Variants in TESK2 observed in about 807,000 individuals in gnomAD.
The protein encoded by TESK2 is dual specificity testis-specific protein kinase 2.
A neutral mutation model predicts 57.1 loss-of-function variants in TESK2; 39 were observed. That is an observed-to-expected ratio of 0.68 (90% confidence interval 0.53 to 0.89). The LOEUF is 0.89. Ranked by LOEUF, TESK2 falls within the 40% of genes least tolerant of loss-of-function variation. The probability of loss-of-function intolerance (pLI) is 0.00; values close to 1 mark genes in which losing one functional copy is unlikely to be tolerated. For missense variants in TESK2, 646 were observed against 732.1 expected (o/e 0.88, Z 1.36); for synonymous variants, 249 against 267.9 (o/e 0.93, Z 0.69).
chr1:45,490,479 C>G (rs1653673053), intron 1 of TESK2, among the ~76,000 whole-genome samples: 1 of 151,986 alleles, frequency 6.6e-6, no homozygotes, highest in African/African-American at 2.4e-5. Flanking sequence ...GTGAAGGAAC[C>G]CAGATCTCTG....
chr1:45,396,652 C>T (rs1025701967), intron 3 of TESK2, among the ~76,000 whole-genome samples: 2 of 150,654 alleles, frequency 1.3e-5, no homozygotes, highest in African/African-American at 4.9e-5. Flanking sequence ...CCATGCCTGG[C>T]TAATTTTTAT....
intron 2 of TESK2, among the ~76,000 whole-genome samples, chr1:45,440,492 T>C (rs1190957795): frequency 6.6e-6 from 1 of 151,898 alleles, no homozygotes; most frequent in Non-Finnish European, 1.5e-5. Context: ...GGCAGGTGGA[T>C]CACTTGAGGC....
intron 5 of TESK2, among the ~76,000 whole-genome samples, chr1:45,349,243 T>C (rs1204711086): frequency 6.6e-6 from 1 of 151,964 alleles, no homozygotes; most frequent in Non-Finnish European, 1.5e-5. Flanking sequence ...GATTACACTA[T>C]TTCCCTTCCC....
chr1:45,415,049 A>G, intron 3 of TESK2: 1 of 1,235,154 alleles, frequency 8.1e-7, no homozygotes, highest in Non-Finnish European at 1.2e-6. Flanking sequence ...GTTCTTCAAC[A>G]TCACAGTCAA....
intron 3 of TESK2, among the ~76,000 whole-genome samples, chr1:45,414,433 AT>A (rs1650157567): frequency 6.6e-6 from 1 of 152,166 alleles, no homozygotes; most frequent in African/African-American, 2.4e-5. Context: ...TTGTGGGCTT[AT>A]TGGGAAGATT....
intron 3 of TESK2, among the ~76,000 whole-genome samples, chr1:45,400,129 T>C (rs1472126107): frequency 1.3e-5 from 2 of 152,194 alleles, no homozygotes; most frequent in African/African-American, 4.8e-5. Context: ...GAGATTATCC[T>C]GGATTATCAC....
At chr1:45,413,751 T>C in intron 3 of TESK2, 1 of 445,864 alleles carries the variant, frequency 2.2e-6, no homozygotes, top group Admixed American at 2.5e-5. Context: ...CCACCTCCCA[T>C]ACCCGGGGCC....
At chr1:45,346,893 C>A in intron 8 of TESK2, 86 bp downstream of exon 8, 1 of 1,554,236 alleles carries the variant, frequency 6.4e-7, no homozygotes, top group Non-Finnish European at 8.9e-7. Flanking sequence ...ACAGAGAGTT[C>A]CAGCAAGTCC....
intron 2 of TESK2, among the ~76,000 whole-genome samples, chr1:45,433,911 A>C (rs949519090): frequency 6.6e-6 from 1 of 152,042 alleles, no homozygotes; most frequent in African/African-American, 2.4e-5. Context: ...CAAGAATATA[A>C]GAGTTCCCTT....
chr1:45,354,481 C>T (rs185398203), intron 5 of TESK2, among the ~76,000 whole-genome samples: 3 of 151,780 alleles, frequency 2.0e-5, no homozygotes, highest in Non-Finnish European at 2.9e-5. Flanking sequence ...AAAAAATTAG[C>T]GAGGGGTGAT....
intron 1 of TESK2, among the ~76,000 whole-genome samples, chr1:45,489,022 G>C (rs1653604198): frequency 1.3e-5 from 2 of 151,952 alleles, no homozygotes; most frequent in Non-Finnish European, 2.9e-5. Context: ...AAATTATCTG[G>C]GTGTGGTGGC....
intron 2 of TESK2, among the ~76,000 whole-genome samples, chr1:45,428,155 T>A (rs1211297854): frequency 6.6e-6 from 1 of 152,198 alleles, no homozygotes; most frequent in Admixed American, 6.5e-5. Context: ...CTGTATAACT[T>A]CTTTATACAT....
intron 1 of TESK2, among the ~76,000 whole-genome samples, chr1:45,484,389 G>A (rs1038033127): frequency 6.6e-6 from 1 of 151,884 alleles, no homozygotes; most frequent in Non-Finnish European, 1.5e-5. Context: ...AGTTACAGGC[G>A]TGAGCCACCA....
At chr1:45,451,511 C>T (rs1301493674) in intron 2 of TESK2, among the ~76,000 whole-genome samples, 1 of 152,170 alleles carries the variant, frequency 6.6e-6, no homozygotes, top group African/African-American at 2.4e-5. Flanking sequence ...CACATGCTGC[C>T]TGCCCAGCAC....
chr1:45,436,578 C>T (rs866141344), intron 2 of TESK2, among the ~76,000 whole-genome samples: 1 of 140,314 alleles, frequency 7.1e-6, no homozygotes, highest in Non-Finnish European at 1.5e-5. Context: ...CAACCTCCAC[C>T]TTCCGGGTTC....
At chr1:45,484,957 G>A (rs1457299460) in intron 1 of TESK2, among the ~76,000 whole-genome samples, 1 of 151,184 alleles carries the variant, frequency 6.6e-6, no homozygotes, top group Non-Finnish European at 1.5e-5. Context: ...CGTGAACCCG[G>A]GAGGCGGAGC....
chr1:45,413,755 C>A (rs1298540704), intron 3 of TESK2: 1 of 448,218 alleles, frequency 2.2e-6, no homozygotes, highest in Non-Finnish European at 4.5e-6. Flanking sequence ...CTCCCATACC[C>A]GGGGCCAGCA....
intron 2 of TESK2, among the ~76,000 whole-genome samples, chr1:45,427,550 C>G (rs1473347238): frequency 6.6e-6 from 1 of 152,180 alleles, no homozygotes; most frequent in Admixed American, 6.6e-5. Context: ...AAATGTGGTA[C>G]ATACACACAA....
At chr1:45,465,765 C>T (rs867299901) in intron 1 of TESK2, among the ~76,000 whole-genome samples, 3 of 151,808 alleles carry the variant, frequency 2.0e-5, no homozygotes, top group African/African-American at 7.3e-5. Context: ...GTGTAATCAG[C>T]GGAAAGAAAG....
Sources: allele counts gnomAD v4.1 joint callset (sites outside exome capture counted in the v4.1 genomes callset), GRCh38; gene constraint gnomAD v4.1.1; transcripts MANE v1.5; gene names NCBI Gene and HGNC (gene_info 2026-07-23, HGNC 2026-07-21).